DRICH1: variants seen among roughly 807,000 people sequenced by gnomAD.
DRICH1 encodes aspartate rich 1, also known as aspartate-rich protein 1.
A neutral mutation model predicts 39.5 loss-of-function variants in DRICH1; 38 were observed. The ratio of observed to expected loss-of-function variants is 0.96; its 90% confidence interval spans 0.74 to 1.26. The LOEUF (loss-of-function observed/expected upper bound fraction) is 1.26. Among genes scored for constraint, DRICH1 ranks in the 50% most tolerant of loss-of-function variants. The pLI, the probability that DRICH1 is intolerant of heterozygous loss-of-function variation, is 0.00. For missense variants in DRICH1, 279 were observed against 270.4 expected (o/e 1.03, Z -0.22); for synonymous variants, 84 against 99.5 (o/e 0.84, Z 0.93).
At chr22:23,604,884 T>G (rs1926648555), downstream of DRICH1, among the ~76,000 whole-genome samples, 1 of 152,198 alleles carries the variant, frequency 6.6e-6, no homozygotes, top group African/African-American at 2.4e-5. Flanking sequence ...CTGGTTCCTC[T>G]CAGAGTTGAC....
At chr22:23,623,903 T>C (rs1475296165) in intron 3 of DRICH1, 1 of 964,542 alleles carries the variant, frequency 1.0e-6, no homozygotes, top group East Asian at 1.1e-4. Flanking sequence ...AAGGAAAGTC[T>C]CTTCCACAAA....
At chr22:23,620,997 C>T (rs1418772088) in intron 4 of DRICH1, among the ~76,000 whole-genome samples, 1 of 152,158 alleles carries the variant, frequency 6.6e-6, no homozygotes, top group Non-Finnish European at 1.5e-5. Flanking sequence ...GAACTCCATC[C>T]TCACAGAGAG....
At chr22:23,593,692 G>A in the DRICH1 span, among the ~76,000 whole-genome samples, 7 of 61,036 alleles carry the variant, frequency 1.1e-4, no homozygotes, top group South Asian at 2.5e-3. Context: ...CCAGCCACCC[G>A]GGAGGCTGAG....
the DRICH1 span, among the ~76,000 whole-genome samples, chr22:23,597,221 A>C: frequency 2.7e-5 from 4 of 146,962 alleles, no homozygotes; most frequent in African/African-American, 7.6e-5. Flanking sequence ...GGCAGGACAC[A>C]GTGGCTTACA....
downstream of DRICH1, among the ~76,000 whole-genome samples, chr22:23,607,538 CGG>C (rs59669796): frequency 6.8e-6 from 1 of 147,432 alleles, no homozygotes; most frequent in African/African-American, 2.5e-5. Flanking sequence ...CTGGCGGGGG[CGG>C]GGGGGGGCCT....
the DRICH1 span, among the ~76,000 whole-genome samples, chr22:23,601,973 C>G: frequency 6.8e-6 from 1 of 147,054 alleles, no homozygotes; most frequent in Non-Finnish European, 1.5e-5. Context: ...AGGCTGAGAG[C>G]AGGGGCTCAC....
chr22:23,614,162 T>G lies in DRICH1; in HGVS notation c.594A>C (p.Glu198Asp), dbSNP rs1279784743. 1 of 1,613,412 alleles carries G rather than the reference T, an allele frequency of 6.2e-7. No individual in the cohort carries two copies. The highest frequency in any genetic ancestry group is 1.1e-5 in the South Asian group (1 of 91,054). The change falls in exon 9 of 12, where the codon GAA becomes GAC. Residue 198 changes from glutamate (E) to aspartate (D), a missense_variant. By Grantham distance (45) the Glu-to-Asp change is conservative. Transcript: ENST00000317749. ...GGATGTCATCATCATCTTCTTCTTC[T>G]TCATCTTTGTGTCTCAGTGAGCATC... ...FLRCSLRHKD[E>D]EEEDDDDIHI...
downstream of DRICH1, among the ~76,000 whole-genome samples, chr22:23,606,859 C>T (rs1926759430): frequency 6.6e-6 from 1 of 152,240 alleles, no homozygotes; most frequent in Admixed American, 6.5e-5. Context: ...GTCACCCACC[C>T]ACAGCCTCCT....
chr22:23,607,722 T>C (rs1490847155), downstream of DRICH1, among the ~76,000 whole-genome samples: 2 of 152,200 alleles, frequency 1.3e-5, no homozygotes, highest in Non-Finnish European at 2.9e-5. Context: ...TCCCTTTCCA[T>C]GGGATCAGGA....
At chr22:23,590,014 C>CA in the DRICH1 span, among the ~76,000 whole-genome samples, 1 of 152,130 alleles carries the variant, frequency 6.6e-6, no homozygotes, top group Admixed American at 6.5e-5. Flanking sequence ...TGTTCTCTGG[C>CA]ATAAGGAGCC....
chr22:23,602,536 T>A, the DRICH1 span, among the ~76,000 whole-genome samples: 1 of 152,130 alleles, frequency 6.6e-6, no homozygotes, highest in Admixed American at 6.5e-5. Flanking sequence ...AATACAAAAA[T>A]TACCCGGGTG....
rs79726466 is a variant in DRICH1 at position 23,624,315 on chromosome 22, A to G, written c.298+568T>C. ...GGCAGAAAAGAGCAGGTGTTCTCAG[A>G]AAAATCATCTTTAAATAATAAAGCA... On this transcript the variant is annotated intron_variant, in intron 3 of 11. Coordinates refer to ENST00000317749, the MANE Select transcript of DRICH1 (RefSeq NM_016449.4). The G allele has an allele frequency of 4.1e-6, 4 of 985,232 alleles. No individual in the cohort carries two copies. The African/African-American group carries it at 7.0e-5, about 17-fold the overall frequency. The allele number at this position is 985,232 out of a possible 1,614,324, so 61.0% of individuals were successfully genotyped here.
chr22:23,581,502 A>G, the DRICH1 span: 2 of 150,974 alleles, frequency 1.3e-5, no homozygotes, highest in Middle Eastern at 3.4e-3. Context: ...CTCTGCTCAC[A>G]CTCCAGGGCT....
intron 1 of DRICH1, among the ~76,000 whole-genome samples, chr22:23,629,202 CT>C (rs1229286006): frequency 1.3e-5 from 2 of 152,196 alleles, no homozygotes; most frequent in Non-Finnish European, 2.9e-5. Context: ...CCACATCCAA[CT>C]CATTTTTATA....
chr22:23,596,515 C>T, the DRICH1 span, among the ~76,000 whole-genome samples: 24 of 152,344 alleles, frequency 1.6e-4, no homozygotes, highest in South Asian at 5.0e-3. Context: ...GTGGCCTCCC[C>T]GCTCTGCATT....
the DRICH1 span, among the ~76,000 whole-genome samples, chr22:23,589,865 C>A: frequency 6.6e-6 from 1 of 152,188 alleles, no homozygotes; most frequent in Admixed American, 6.5e-5. Context: ...AATTACATGG[C>A]TGTAGTTTGC....
the DRICH1 span, among the ~76,000 whole-genome samples, chr22:23,600,478 C>T: frequency 1.3e-5 from 2 of 152,108 alleles, no homozygotes; most frequent in Admixed American, 6.6e-5. Flanking sequence ...CAGAAGATGC[C>T]GCTTCTGTCC....
In DRICH1 at chr22:23,624,948, C is replaced by A. The variant is rs1378419654; in HGVS notation, c.277-44G>T. ...AGATGCTATGAGGATCAGATCAATT[C>A]TGCTGCACCCCCTACACAGATCAGT... On this transcript the variant is annotated intron_variant, in intron 2 of 11. Coordinates refer to ENST00000317749, the MANE Select transcript of DRICH1 (RefSeq NM_016449.4). 7 of 1,599,484 alleles carry A rather than the reference C, an allele frequency of 4.4e-6. No homozygotes were observed. The Admixed American group carries it at 1.2e-4, about 27-fold the overall frequency.
chr22:23,607,534 G>T (rs1926800719), downstream of DRICH1, among the ~76,000 whole-genome samples: 1 of 67,400 alleles, frequency 1.5e-5, no homozygotes, highest in African/African-American at 5.6e-5. Flanking sequence ...CTTGCTGGCG[G>T]GGGCGGGGGG....
Sources: allele counts gnomAD v4.1 joint callset (sites outside exome capture counted in the v4.1 genomes callset), GRCh38; gene constraint gnomAD v4.1.1; transcripts MANE v1.5; gene names NCBI Gene and HGNC (gene_info 2026-07-23, HGNC 2026-07-21).